Variants in SLC22A16 observed in about 807,000 individuals in gnomAD.
SLC22A16 encodes the protein solute carrier family 22 member 16, also known as WUGSC:RG331P03.1.
Under a neutral mutation model 52.9 loss-of-function variants are expected in SLC22A16, and 53 were observed. The ratio of observed to expected loss-of-function variants is 1.00; its 90% confidence interval spans 0.80 to 1.26. The LOEUF is 1.26. SLC22A16 is among the 50% of genes most tolerant of loss of function. SLC22A16 has a pLI of 0.00. For missense variants in SLC22A16, 726 were observed against 704.0 expected (o/e 1.03, Z -0.35); for synonymous variants, 291 against 268.8 (o/e 1.08, Z -0.81).
intron 2 of SLC22A16, chr6:110,455,782 C>T (rs1462647708): frequency 6.6e-6 from 1 of 152,030 alleles, no homozygotes; most frequent in Admixed American, 6.6e-5. Context: ...ACAGTAGAGC[C>T]CTTAGCACCC....
chr6:110,438,090 G>A (rs1293976795), intron 5 of SLC22A16, among the ~76,000 whole-genome samples: 1 of 151,900 alleles, frequency 6.6e-6, no homozygotes, highest in African/African-American at 2.4e-5. Flanking sequence ...AGACAAAAGA[G>A]TACACACGGG....
intron 7 of SLC22A16, among the ~76,000 whole-genome samples, 196 bp downstream of exon 7, chr6:110,430,975 G>C (rs1253615723): frequency 1.3e-5 from 2 of 152,202 alleles, no homozygotes; most frequent in African/African-American, 2.4e-5. Flanking sequence ...GTGGTGGAAG[G>C]CCACCAATGG....
At chr6:110,432,619 G>C (rs1378217012) in intron 6 of SLC22A16, among the ~76,000 whole-genome samples, 1 of 152,200 alleles carries the variant, frequency 6.6e-6, no homozygotes, top group Non-Finnish European at 1.5e-5. Flanking sequence ...CCCTGATTTA[G>C]AGCAGCTTCT....
In SLC22A16 at chr6:110,476,509, C is replaced by CCACCCG. The variant is rs1776491824; in HGVS notation, c.53+12_53+13insCGGGTG. 7.2e-7 allele frequency: 1 copy of CCACCCG among 1,390,406 alleles called. No homozygotes were observed. The highest frequency in any genetic ancestry group is 2.0e-5 in the African/African-American group (1 of 50,832). The allele number at this position is 1,390,406 out of a possible 1,614,324, so 86.1% of individuals were successfully genotyped here. A position where few individuals can be genotyped will look rare whatever the true frequency, so the allele number is the denominator to read the frequency against. ...CGCCTCCCGCGTGGCGCCGCGGGGC[C>CCACCCG]CCTCCCCCATACCTGCCGAAGTGCC... On this transcript the variant is annotated intron_variant, in intron 1 of 7. Transcript: ENST00000368919.
chr6:110,430,351 A>C (rs1774446143), intron 7 of SLC22A16, among the ~76,000 whole-genome samples: 1 of 152,018 alleles, frequency 6.6e-6, no homozygotes, highest in Non-Finnish European at 1.5e-5. Context: ...GGGAGAATGT[A>C]CATGAGGCTG....
intron 6 of SLC22A16, among the ~76,000 whole-genome samples, chr6:110,435,288 T>C (rs976158030): frequency 6.6e-6 from 1 of 152,138 alleles, no homozygotes; most frequent in Non-Finnish European, 1.5e-5. Context: ...CGTAATCCAA[T>C]ATGGCTGGTG....
chr6:110,432,671 T>C (rs752926734), intron 6 of SLC22A16, among the ~76,000 whole-genome samples: 27 of 152,204 alleles, frequency 1.8e-4, no homozygotes, highest in Non-Finnish European at 2.8e-4. Context: ...ACAACGCAAG[T>C]TGGCAATTAT....
intron 2 of SLC22A16, among the ~76,000 whole-genome samples, chr6:110,453,448 T>C (rs189084751): frequency 6.6e-6 from 1 of 152,324 alleles, no homozygotes; most frequent in East Asian, 1.9e-4. Context: ...TCTAAGTTAA[T>C]ATGTTAATCT....
chr6:110,456,840 C>G lies in SLC22A16; in HGVS notation c.231G>C (p.Leu77=), dbSNP rs1775678057. 1 of 1,614,042 alleles carries G rather than the reference C, an allele frequency of 6.2e-7. No homozygotes were observed. The highest frequency in any genetic ancestry group is 1.7e-5 in the Admixed American group (1 of 59,996). ...SNWSLEDTGA[L]LSSGQKDYVT... is the part of the protein sequence containing the mutation. ...CATAATCTTTCTGGCCTGAAGACAA[C>G]AGGGCCCCGGTGTCCTCCAAACTCC... Residue 77 remains leucine, a synonymous_variant, in exon 2 of 8, where the codon CTG becomes CTC. Transcript: ENST00000368919.
chr6:110,445,590 C>T (rs1775139330), intron 3 of SLC22A16, among the ~76,000 whole-genome samples: 1 of 152,150 alleles, frequency 6.6e-6, no homozygotes, highest in African/African-American at 2.4e-5. Flanking sequence ...TCAACGGAAA[C>T]AGTCACAGAA....
chr6:110,461,460 G>A (rs771281829), intron 1 of SLC22A16, among the ~76,000 whole-genome samples: 9 of 152,288 alleles, frequency 5.9e-5, no homozygotes, highest in Admixed American at 2.0e-4. Flanking sequence ...CAAGGAAGGG[G>A]CTTCCACTCA....
Position 110,425,033 on chromosome 6 carries a change from G to A in SLC22A16, c.1574C>T (p.Pro525Leu). The A allele has an allele frequency of 6.2e-7, 1 of 1,614,152 alleles. No homozygotes were observed. Among genetic ancestry groups the A allele is most frequent in the South Asian group, 1.1e-5 (1 of 91,082 alleles). ...TGCTAGCCGTTTCCCAAGGGTTTCT[G>A]GAAGCTTTAGTGTTAACACTCCACT... ...LLSGVLTLKL[P>L]ETLGKRLATT... Residue 525 changes from proline (P) to leucine (L), a missense_variant, in exon 8 of 8, where the codon CCA becomes CTA. By Grantham distance (98) the Pro-to-Leu change is moderately conservative (BLOSUM62 -3). Transcript: ENST00000368919.
Position 110,425,432 on chromosome 6 carries a change from A to G in SLC22A16, c.1522-347T>C, listed in dbSNP as rs1029470083. The G allele has an allele frequency of 1.5e-5, 19 of 1,308,846 alleles. No homozygotes were observed. The African/African-American group carries it at 2.4e-4, about 17-fold the overall frequency. 81.1% of individuals were successfully genotyped at this position (1,308,846 alleles called of 1,614,324 possible). A position where few individuals can be genotyped will look rare whatever the true frequency, so the allele number is the denominator to read the frequency against. On this transcript the variant is annotated intron_variant, in intron 7 of 7. Transcript: ENST00000368919. ...CTTACCCCATCTTTCCAGACCCCAG[A>G]ATCTTGTGGAGAAGACAAGTAACTG...
chr6:110,427,875 C>T (rs143850377), intron 7 of SLC22A16, among the ~76,000 whole-genome samples: 1 of 152,340 alleles, frequency 6.6e-6, no homozygotes, highest in East Asian at 1.9e-4. Context: ...CCCACTCCAG[C>T]CCTTCTCTTC....
chr6:110,456,950 A>G lies in SLC22A16; in HGVS notation c.121T>C (p.Ser41Pro), dbSNP rs770983570. Reference protein sequence around the residue: ...NISCGIHYLASVFMGVTPHHV... With the variant: ...NISCGIHYLAPVFMGVTPHHV... ...TGAGGGGTGACTCCCATGAACACAG[A>G]AGCCAAGTAGTGAATACCACAAGAG... Residue 41 changes from serine to proline, a missense_variant, in exon 2 of 8, where the codon TCT becomes CCT. Coordinates refer to ENST00000368919, the MANE Select transcript of SLC22A16 (RefSeq NM_033125.4). 6.2e-7 allele frequency: 1 copy of G among 1,606,246 alleles called. No individual in the cohort carries two copies. Among genetic ancestry groups the G allele is most frequent in the Admixed American group, 1.7e-5 (1 of 59,042 alleles).
At chr6:110,456,350 A>G in intron 2 of SLC22A16, 188 bp downstream of exon 2, 1 of 770,976 alleles carries the variant, frequency 1.3e-6, no homozygotes, top group Non-Finnish European at 2.1e-6. Flanking sequence ...ATTTGGATCT[A>G]GGTATACTGT....
chr6:110,476,316 C>G, intron 1 of SLC22A16: 1 of 1,374,904 alleles, frequency 7.3e-7, no homozygotes, highest in Non-Finnish European at 9.4e-7. Context: ...CTCTGCTCAC[C>G]ATGCCAGGTC....
intron 6 of SLC22A16, among the ~76,000 whole-genome samples, chr6:110,435,297 T>C (rs908197052): frequency 6.6e-6 from 1 of 151,994 alleles, no homozygotes; most frequent in African/African-American, 2.4e-5. Flanking sequence ...ATATGGCTGG[T>C]GTCTTATATG....
rs1025622261 is a variant in SLC22A16, at chr6:110,440,878, G to A, written c.1183+1366C>T. On this transcript the variant is annotated intron_variant, in intron 4 of 7. Transcript: ENST00000368919. ...GAAATTTGTACTAACTTCTTAGAACGTGTCTGAAGAGGAGCTAGTTTGAGG... is the reference window on the plus strand; with the variant it reads ...GAAATTTGTACTAACTTCTTAGAACATGTCTGAAGAGGAGCTAGTTTGAGG... Among the ~76,000 whole-genome samples, 5 of 152,294 alleles carry A rather than the reference G, an allele frequency of 3.3e-5. No individual in the cohort carries two copies. In the East Asian group the frequency reaches 5.8e-4, roughly 18 times the overall value.
Sources: gnomAD v4.1 joint callset for allele counts (sites outside exome capture counted in the v4.1 genomes callset) on GRCh38, gnomAD v4.1.1 for gene constraint, MANE v1.5 for transcripts, NCBI Gene and HGNC (gene_info 2026-07-23, HGNC 2026-07-21) for gene names.